Variants in TRAK1 observed in about 807,000 individuals in gnomAD.
TRAK1 encodes trafficking kinesin protein 1.
In TRAK1, 33 loss-of-function variants were observed where a neutral mutation model predicts 92.1. That is an observed-to-expected ratio of 0.36 (90% CI 0.27 to 0.48). The LOEUF is 0.48. Among genes scored for constraint, TRAK1 ranks in the 20% least tolerant of loss-of-function variants. The pLI, the probability that TRAK1 is intolerant of heterozygous loss-of-function variation, is 0.99. For missense variants in TRAK1, 1,123 were observed against 1,257.9 expected (o/e 0.89, Z 1.62); for synonymous variants, 521 against 517.3 (o/e 1.01, Z -0.10).
chr3:42,117,758 G>T (rs140798477), intron 1 of TRAK1, among the ~76,000 whole-genome samples: 6 of 152,244 alleles, frequency 3.9e-5, no homozygotes, highest in African/African-American at 1.2e-4. Flanking sequence ...CTGTGGAGGA[G>T]GAGGTCCCTT....
rs1181221885 is a variant in TRAK1 at position 42,224,744 on chromosome 3, A to G, written c.*1007A>G. 1 of 152,266 alleles carries G rather than the reference A, an allele frequency of 6.6e-6. No individual in the cohort carries two copies. The highest frequency in any genetic ancestry group is 2.4e-5 in the African/African-American group (1 of 41,470). The allele number at this position is 152,266 out of a possible 1,614,324, so 9.4% of individuals were successfully genotyped here. A position where few individuals can be genotyped will look rare whatever the true frequency, so the allele number is the denominator to read the frequency against. On this transcript the variant is annotated 3_prime_UTR_variant, in exon 16 of 16. Transcript: ENST00000327628. Reference sequence around the variant, plus strand: ...TCAACACCAAATGTAGAGGGGAAGAACCACAACCAGGCATAATACCAAACC... The same window carrying G: ...TCAACACCAAATGTAGAGGGGAAGAGCCACAACCAGGCATAATACCAAACC...
intron 12 of TRAK1, among the ~76,000 whole-genome samples, chr3:42,201,866 G>T (rs1386159320): frequency 7.6e-6 from 1 of 131,594 alleles, no homozygotes; most frequent in Non-Finnish European, 1.6e-5. Context: ...ACGGACGGAC[G>T]GACGGACGGA....
intron 13 of TRAK1, among the ~76,000 whole-genome samples, chr3:42,206,302 A>G (rs1708324213): frequency 6.6e-6 from 1 of 152,178 alleles, no homozygotes; most frequent in Non-Finnish European, 1.5e-5. Context: ...AAGTGGAGAT[A>G]GTCCATGAGC....
intron 1 of TRAK1, among the ~76,000 whole-genome samples, chr3:42,103,540 C>T (rs897868605): frequency 6.6e-6 from 1 of 152,166 alleles, no homozygotes; most frequent in African/African-American, 2.4e-5. Context: ...AGGCTTGCCC[C>T]TAACCTTGGA....
At chr3:42,172,633 A>G (rs1405431491) in intron 2 of TRAK1, among the ~76,000 whole-genome samples, 2 of 152,106 alleles carry the variant, frequency 1.3e-5, no homozygotes, top group African/African-American at 4.8e-5. Context: ...GCTACTTGTC[A>G]GGCTTCGAAC....
At chr3:42,184,357 G>T (rs1228938151) in intron 3 of TRAK1, among the ~76,000 whole-genome samples, 1 of 152,226 alleles carries the variant, frequency 6.6e-6, no homozygotes, top group East Asian at 1.9e-4. Context: ...GGAGAGACAG[G>T]TTATCAAGTG....
chr3:42,065,762 T>C (rs1033989766), intron 1 of TRAK1, among the ~76,000 whole-genome samples: 2 of 152,052 alleles, frequency 1.3e-5, no homozygotes, highest in Admixed American at 6.6e-5. Flanking sequence ...CCCAAGTATC[T>C]GGGACTATAG....
chr3:42,029,827 G>A (rs866694870), intron 1 of TRAK1, among the ~76,000 whole-genome samples: 6 of 152,212 alleles, frequency 3.9e-5, no homozygotes, highest in East Asian at 1.9e-4. Flanking sequence ...GTGATTACAG[G>A]TGTACGCCAC....
chr3:42,193,904 C>T lies in TRAK1; in HGVS notation c.975+6C>T. ...AGCGGCAGCTCACAGCCGAGGTGAG[C>T]ACCTCTCCCTCATTCCTTCAGTGCC... On this transcript the variant is annotated splice_donor_region_variant and intron_variant, in intron 9 of 15. Transcript: ENST00000327628. 6.2e-7 allele frequency: 1 copy of T among 1,613,274 alleles called. No homozygotes were observed. Among genetic ancestry groups the T allele is most frequent in the Non-Finnish European group, 8.5e-7 (1 of 1,179,552 alleles).
At chr3:42,145,615 TTGA>T (rs1333176953) in intron 2 of TRAK1, 1 of 152,952 alleles carries the variant, frequency 6.5e-6, no homozygotes, top group East Asian at 1.9e-4. Flanking sequence ...CAAAAACATG[TTGA>T]TGTTACTTGA....
chr3:42,141,678 C>T (rs1312699255), intron 2 of TRAK1, among the ~76,000 whole-genome samples: 2 of 152,144 alleles, frequency 1.3e-5, no homozygotes, highest in Non-Finnish European at 2.9e-5. Context: ...CGGCCATCCT[C>T]GACATTGCTA....
intron 2 of TRAK1, among the ~76,000 whole-genome samples, chr3:42,128,119 T>C (rs1398974324): frequency 6.6e-6 from 1 of 152,136 alleles, no homozygotes; most frequent in East Asian, 1.9e-4. Flanking sequence ...GCGGAGATTG[T>C]GGTGAGCTGA....
At chr3:42,188,196 C>T (rs1358149190) in intron 5 of TRAK1, 51 bp downstream of exon 5, 2 of 1,569,008 alleles carry the variant, frequency 1.3e-6, no homozygotes, top group African/African-American at 1.4e-5. Flanking sequence ...AGGCTGGCCG[C>T]TGTTGATGTC....
intron 1 of TRAK1, among the ~76,000 whole-genome samples, chr3:42,073,785 A>T (rs745906992): frequency 6.6e-5 from 10 of 152,176 alleles, no homozygotes; most frequent in Non-Finnish European, 1.3e-4. Flanking sequence ...ACCCGGACTG[A>T]TGGGCGTGCC....
intron 1 of TRAK1, among the ~76,000 whole-genome samples, chr3:42,092,744 T>A (rs1705285894): frequency 6.7e-6 from 1 of 148,492 alleles, no homozygotes; most frequent in African/African-American, 2.5e-5. Context: ...TTATGTTATG[T>A]TATGTTATGT....
chr3:42,032,452 C>T (rs1381631478), intron 1 of TRAK1, among the ~76,000 whole-genome samples: 7 of 146,502 alleles, frequency 4.8e-5, no homozygotes, highest in Non-Finnish European at 1.0e-4. Flanking sequence ...CAAGATTTTG[C>T]TCAAATACAC....
intron 1 of TRAK1, among the ~76,000 whole-genome samples, chr3:42,038,807 T>G (rs1461377899): frequency 1.4e-5 from 2 of 143,052 alleles, no homozygotes; most frequent in Admixed American, 6.9e-5. Context: ...AAAAAAGTTT[T>G]TTTTTTTTTT....
chr3:42,211,855 G>A (rs758928263), intron 14 of TRAK1: 75 of 985,274 alleles, frequency 7.6e-5, no homozygotes, highest in South Asian at 1.4e-4. Flanking sequence ...GTTATTTGAC[G>A]AGGGGCATGA....
rs981005454 is a variant in TRAK1 at position 42,099,250 on chromosome 3, G to A, written c.91+7690G>A. Among the ~76,000 whole-genome samples, 10 of 152,066 alleles carry A rather than the reference G, an allele frequency of 6.6e-5. No individual in the cohort carries two copies. In the East Asian group the frequency reaches 1.2e-3, roughly 18 times the overall value. The stretch of plus-strand genomic sequence containing the variant: ...GACGGCCGCCAACCTCTACCGGGGC[G>A]GAGTTGCTGATGGGTGGACGAGTGG... On this transcript the variant is annotated intron_variant, in intron 1 of 15. Coordinates refer to ENST00000327628, the MANE Select transcript of TRAK1 (RefSeq NM_001042646.3).
Sources: allele counts gnomAD v4.1 joint callset (sites outside exome capture counted in the v4.1 genomes callset), GRCh38; gene constraint gnomAD v4.1.1; transcripts MANE v1.5; gene names NCBI Gene and HGNC (gene_info 2026-07-23, HGNC 2026-07-21).